The following FBN2 variants were observed in gnomAD, a reference collection of about 807,000 sequenced individuals.
The protein encoded by FBN2 is fibrillin 2.
In FBN2, 105 loss-of-function variants were observed where a neutral mutation model predicts 355.6. The ratio of observed to expected loss-of-function variants is 0.30; its 90% CI spans 0.25 to 0.35. The LOEUF is 0.35. FBN2 is among the 10% of genes least tolerant of loss of function. FBN2 has a pLI of 1.00. For synonymous variants in FBN2, 1,350 were observed against 1,301.2 expected (o/e 1.04, Z -0.81); for missense variants, 3,280 against 3,758.7 (o/e 0.87, Z 3.33).
intron 14 of FBN2, among the ~76,000 whole-genome samples, chr5:128,375,184 T>A (rs529591124): frequency 1.3e-5 from 2 of 152,286 alleles, no homozygotes; most frequent in African/African-American, 4.8e-5. Context: ...TTCAATCCAC[T>A]TGAATTTATC....
At chr5:128,498,491 C>G (rs1406816985) in intron 5 of FBN2, among the ~76,000 whole-genome samples, 5 of 152,148 alleles carry the variant, frequency 3.3e-5, no homozygotes, top group African/African-American at 9.7e-5. Flanking sequence ...CCTTGGTATT[C>G]CCTAGCACCA....
chr5:128,340,007 T>A (rs1274808325), intron 25 of FBN2, among the ~76,000 whole-genome samples: 1 of 152,204 alleles, frequency 6.6e-6, no homozygotes, highest in East Asian at 1.9e-4. Flanking sequence ...TTTCCTCTTT[T>A]TATATATTAC....
chr5:128,353,755 G>C (rs898799168), intron 20 of FBN2, among the ~76,000 whole-genome samples: 2 of 152,184 alleles, frequency 1.3e-5, no homozygotes, highest in Non-Finnish European at 2.9e-5. Context: ...TTGCAGATGA[G>C]AAAATTTAGG....
intron 31 of FBN2, among the ~76,000 whole-genome samples, chr5:128,333,730 C>T (rs1466985366): frequency 6.6e-6 from 1 of 151,198 alleles, no homozygotes; most frequent in Non-Finnish European, 1.5e-5. Context: ...ACACATATCC[C>T]TATATATGTA....
intron 25 of FBN2, 47 bp from the exon 26 acceptor site, chr5:128,339,108 C>A: frequency 6.2e-7 from 1 of 1,605,282 alleles, no homozygotes; most frequent in East Asian, 2.2e-5. Context: ...ATGAGATAGA[C>A]TTGGCCTTCC....
chr5:128,263,359 G>A (rs1765025791), intron 63 of FBN2, 66 bp downstream of exon 63: 2 of 1,192,304 alleles, frequency 1.7e-6, no homozygotes, highest in Non-Finnish European at 2.5e-6. Flanking sequence ...CCTGCAGTGG[G>A]GGGTGGCCTG....
chr5:128,259,853 T>A, intron 64 of FBN2, 24 bp from the exon 65 acceptor site: 1 of 1,612,626 alleles, frequency 6.2e-7, no homozygotes. Context: ...AGGAAATGAT[T>A]TGGGACAAGC....
chr5:128,295,210 C>G (rs1177233927), intron 48 of FBN2, among the ~76,000 whole-genome samples: 2 of 149,476 alleles, frequency 1.3e-5, no homozygotes, highest in East Asian at 4.1e-4. Flanking sequence ...TGTTTTGGTA[C>G]CAGTACCATG....
chr5:128,493,397 T>C (rs1755563586), intron 5 of FBN2, among the ~76,000 whole-genome samples: 1 of 152,044 alleles, frequency 6.6e-6, no homozygotes, highest in Admixed American at 6.5e-5. Context: ...GAAAAGATAA[T>C]AATAATGATG....
intron 13 of FBN2, among the ~76,000 whole-genome samples, chr5:128,377,490 C>T (rs924376124): frequency 1.3e-5 from 2 of 151,472 alleles, no homozygotes; most frequent in Non-Finnish European, 2.9e-5. Flanking sequence ...TTGTAACACA[C>T]AGGAAATTTT....
At chr5:128,377,932 C>G (rs1364906797) in intron 12 of FBN2, 55 bp from the exon 13 acceptor site, 4 of 1,493,148 alleles carry the variant, frequency 2.7e-6, no homozygotes, top group Non-Finnish European at 3.7e-6. Context: ...TATAGATAAA[C>G]ACAGTAAGAT....
intron 8 of FBN2, among the ~76,000 whole-genome samples, chr5:128,395,902 G>T (rs1244941542): frequency 1.3e-5 from 2 of 152,196 alleles, no homozygotes; most frequent in African/African-American, 4.8e-5. Context: ...CTTGGATTTC[G>T]AGTGGAGGGT....
chr5:128,464,692 CG>C (rs1270112271), intron 6 of FBN2, 31 bp downstream of exon 6: 2 of 1,606,248 alleles, frequency 1.2e-6, no homozygotes, highest in African/African-American at 2.7e-5. Context: ...GGCAGGTCTG[CG>C]ATGGTGTGCA....
At chr5:128,369,018 A>T (rs1185784482) in intron 16 of FBN2, among the ~76,000 whole-genome samples, 164 bp downstream of exon 16, 1 of 152,150 alleles carries the variant, frequency 6.6e-6, no homozygotes, top group Non-Finnish European at 1.5e-5. Flanking sequence ...AACACAAGCC[A>T]AATCTCCTTA....
At chr5:128,460,409 T>C (rs1754527537) in intron 6 of FBN2, among the ~76,000 whole-genome samples, 1 of 152,008 alleles carries the variant, frequency 6.6e-6, no homozygotes, top group Admixed American at 6.6e-5. Flanking sequence ...AGAATCAATA[T>C]CATGAAAATG....
chr5:128,293,321 G>A (rs889092205), intron 48 of FBN2, among the ~76,000 whole-genome samples: 7 of 152,068 alleles, frequency 4.6e-5, no homozygotes, highest in Non-Finnish European at 8.8e-5. Flanking sequence ...GTGAAACACC[G>A]TCTCTACTAT....
intron 63 of FBN2, 51 bp from the exon 64 acceptor site, chr5:128,261,958 A>C: frequency 9.4e-6 from 14 of 1,492,160 alleles, no homozygotes; most frequent in Non-Finnish European, 1.3e-5. Flanking sequence ...ACTTGACCAT[A>C]GTTTTCCAGT....
chr5:128,305,995 T>C (rs1224774405), intron 42 of FBN2, 47 bp from the exon 43 acceptor site: 3 of 1,556,382 alleles, frequency 1.9e-6, no homozygotes, highest in African/African-American at 1.4e-5. Context: ...CTGTTTAATA[T>C]ACTTACCATA....
At chr5:128,333,453 T>C (rs554047866) in intron 31 of FBN2, among the ~76,000 whole-genome samples, 100 of 152,166 alleles carry the variant, frequency 6.6e-4, no homozygotes, top group Non-Finnish European at 1.2e-3. Context: ...ATATTTTTCA[T>C]GAAGATAAGA....
Sources: gnomAD v4.1 joint callset for allele counts (sites outside exome capture counted in the v4.1 genomes callset) on GRCh38, gnomAD v4.1.1 for gene constraint, MANE v1.5 for transcripts, NCBI Gene and HGNC (gene_info 2026-07-23, HGNC 2026-07-21) for gene names.